Variants in IL1R1 observed in about 807,000 individuals in gnomAD.
IL1R1 encodes interleukin-1 receptor type 1.
In IL1R1, 22 loss-of-function variants were observed where a neutral mutation model predicts 50.2. The observed-to-expected ratio is 0.44, with a 90% confidence interval of 0.31 to 0.63. IL1R1 has a LOEUF of 0.63. IL1R1 is among the 20% of genes least tolerant of loss of function. The pLI, the probability that IL1R1 is intolerant of heterozygous loss-of-function variation, is 0.07. For synonymous variants in IL1R1, 251 were observed against 236.7 expected, an observed-to-expected ratio of 1.06 and a Z score of -0.55; for missense variants, 509 against 676.2, an observed-to-expected ratio of 0.75 and a Z score of 2.74.
chr2:102,142,695 C>T (rs1381324363), upstream of IL1R1: 3 of 151,602 alleles, frequency 2.0e-5, no homozygotes, highest in Non-Finnish European at 4.4e-5. Context: ...GCCGTCTCCG[C>T]CCGTTCCCCG....
In IL1R1 at chr2:102,178,387, G is replaced by A. The variant is rs1686316721; in HGVS notation, c.*1628G>A. On this transcript the variant is annotated 3_prime_UTR_variant, in exon 12 of 12. Coordinates refer to ENST00000410023, the MANE Select transcript of IL1R1 (RefSeq NM_000877.4). ...ATTTGCACATGTAACATAGATTTAT[G>A]TAATGCTTTATGTTTAAAAACATTC... 6.6e-6 allele frequency: 1 copy of A among 152,230 alleles called. No homozygotes were observed. The allele number at this position is 152,230 out of a possible 1,614,324, so 9.4% of individuals were successfully genotyped here.
intron 1 of IL1R1, among the ~76,000 whole-genome samples, chr2:102,149,874 A>C (rs893103675): frequency 6.6e-6 from 1 of 152,168 alleles, no homozygotes; most frequent in Non-Finnish European, 1.5e-5. Flanking sequence ...TGCAGGTCTC[A>C]TGGTGAGGAC....
At chr2:102,086,358 C>T (rs1679428990) in intron 1 of IL1R1, among the ~76,000 whole-genome samples, 1 of 152,100 alleles carries the variant, frequency 6.6e-6, no homozygotes, top group Non-Finnish European at 1.5e-5. Context: ...TTTTCTCTAG[C>T]TGCTCTCAGG....
chr2:102,146,931 C>T (rs1327458815), intron 1 of IL1R1, among the ~76,000 whole-genome samples: 1 of 152,228 alleles, frequency 6.6e-6, no homozygotes, highest in Non-Finnish European at 1.5e-5. Flanking sequence ...ATACCCACTC[C>T]ACTGAGAACC....
At chr2:102,111,488 G>T (rs1680759366) in intron 1 of IL1R1, among the ~76,000 whole-genome samples, 1 of 152,192 alleles carries the variant, frequency 6.6e-6, no homozygotes, top group African/African-American at 2.4e-5. Flanking sequence ...ATTATCTCAT[G>T]CATTAATAAA....
At chr2:102,111,038 C>T (rs1196429716) in intron 1 of IL1R1, among the ~76,000 whole-genome samples, 1 of 152,122 alleles carries the variant, frequency 6.6e-6, no homozygotes, top group Non-Finnish European at 1.5e-5. Context: ...GCATGAGAAG[C>T]AGAAAGCAGC....
chr2:102,174,583 A>C lies in IL1R1; in HGVS notation c.992-4A>C. 1 of 1,549,994 alleles carries C rather than the reference A, an allele frequency of 6.5e-7. No homozygotes were observed. Among genetic ancestry groups the C allele is most frequent in the Non-Finnish European group, 8.7e-7 (1 of 1,154,488 alleles). On this transcript the variant is annotated splice_polypyrimidine_tract_variant and splice_region_variant and intron_variant, in intron 9 of 11. Transcript: ENST00000410023. ...TTTCTCCTTTTTTTTTCTTTTTGCT[A>C]TAGTCACTAATTTCCAGAAGCACAT...
At chr2:102,090,682 A>AT (rs1330158853) in intron 1 of IL1R1, among the ~76,000 whole-genome samples, 6 of 152,002 alleles carry the variant, frequency 3.9e-5, no homozygotes, top group Admixed American at 1.3e-4. Context: ...CATTGTTGGT[A>AT]TTTTTTATCC....
intron 1 of IL1R1, among the ~76,000 whole-genome samples, chr2:102,125,004 C>A (rs1681622277): frequency 6.6e-6 from 1 of 151,582 alleles, no homozygotes; most frequent in Non-Finnish European, 1.5e-5. Context: ...CAATCACCTC[C>A]CATCAGGTTC....
chr2:102,091,472 T>C (rs768667648), intron 1 of IL1R1, among the ~76,000 whole-genome samples: 63 of 152,370 alleles, frequency 4.1e-4, no homozygotes, highest in Non-Finnish European at 6.6e-4. Flanking sequence ...TCATGGATAA[T>C]GTATCCTTTT....
intron 1 of IL1R1, among the ~76,000 whole-genome samples, chr2:102,090,738 T>C (rs956267824): frequency 2.6e-5 from 4 of 152,234 alleles, no homozygotes; most frequent in African/African-American, 9.6e-5. Context: ...TTGAGGGTAT[T>C]AATCACAGTT....
In IL1R1 at chr2:102,176,568, A is replaced by C. The variant is rs751457587; in HGVS notation, c.1519A>C (p.Lys507Gln). The change falls in exon 12 of 12, where the codon AAG becomes CAG. Residue 507 changes from lysine to glutamine, a missense_variant. Lys to Gln is a moderately conservative substitution (Grantham distance 53). Transcript: ENST00000410023. ...AATGCCAGAATCGATTAAATTCATTAAGCAGAAACATGGGGCTATCCGCTG... is the reference window on the plus strand; with the variant it reads ...AATGCCAGAATCGATTAAATTCATTCAGCAGAAACATGGGGCTATCCGCTG... ...EKMPESIKFI[K>Q]QKHGAIRWSG... The C allele has an allele frequency of 6.2e-7, 1 of 1,614,170 alleles. No homozygotes were observed. Among genetic ancestry groups the C allele is most frequent in the East Asian group, 2.2e-5 (1 of 44,874 alleles).
At chr2:102,151,209 C>T (rs142422126) in intron 1 of IL1R1, among the ~76,000 whole-genome samples, 35 of 152,228 alleles carry the variant, frequency 2.3e-4, no homozygotes, top group African/African-American at 6.3e-4. Context: ...TCAACTCTTT[C>T]GACAGCCATC....
intron 1 of IL1R1, among the ~76,000 whole-genome samples, chr2:102,153,505 G>A (rs2104506637): frequency 6.6e-6 from 1 of 152,212 alleles, no homozygotes; most frequent in South Asian, 2.1e-4. Context: ...CTGACACCTT[G>A]ATATGGTTTG....
At chr2:102,103,053 A>C (rs962250898), upstream of IL1R1, among the ~76,000 whole-genome samples, 2 of 152,174 alleles carry the variant, frequency 1.3e-5, no homozygotes, top group African/African-American at 4.8e-5. Flanking sequence ...TACCATACTT[A>C]TTACCTAGGT....
Position 102,175,605 on chromosome 2 carries a change from T to C in IL1R1, c.1263T>C (p.Tyr421=), listed in dbSNP as rs747918578. The C allele has an allele frequency of 6.2e-7, 1 of 1,614,096 alleles. No homozygotes were observed. Among genetic ancestry groups the C allele is most frequent in the Non-Finnish European group, 8.5e-7 (1 of 1,179,954 alleles). The change falls in exon 11 of 12, where the codon TAT becomes TAC. Residue 421 remains tyrosine (Y), a synonymous_variant. Coordinates refer to ENST00000410023, the MANE Select transcript of IL1R1 (RefSeq NM_000877.4). The part of the protein sequence containing the change: ...LPEVLEKQCG[Y]KLFIYGRDDY... ...AGGTCTTGGAAAAACAGTGTGGATA[T>C]AAGCTGTTCATTTATGGAAGGGATG...
chr2:102,124,025 C>T (rs1291733999), intron 1 of IL1R1, among the ~76,000 whole-genome samples: 1 of 152,064 alleles, frequency 6.6e-6, no homozygotes, highest in African/African-American at 2.4e-5. Context: ...AAAGTACTCA[C>T]ACACTACCTC....
intron 1 of IL1R1, among the ~76,000 whole-genome samples, chr2:102,085,221 C>T (rs1679382531): frequency 6.6e-6 from 1 of 152,162 alleles, no homozygotes; most frequent in African/African-American, 2.4e-5. Flanking sequence ...GATGAACACA[C>T]CTTGATTTAT....
chr2:102,075,223 G>T (rs893144290), intron 1 of IL1R1, among the ~76,000 whole-genome samples: 1 of 152,130 alleles, frequency 6.6e-6, no homozygotes, highest in African/African-American at 2.4e-5. Context: ...TCAACTCTCT[G>T]ATCTCATCCA....
Sources: gnomAD v4.1 joint callset for allele counts (sites outside exome capture counted in the v4.1 genomes callset) on GRCh38, gnomAD v4.1.1 for gene constraint, MANE v1.5 for transcripts, NCBI Gene and HGNC (gene_info 2026-07-23, HGNC 2026-07-21) for gene names.